Variants in BMERB1 observed in about 807,000 individuals in gnomAD.
The protein encoded by BMERB1 is bMERB domain-containing protein 1.
In BMERB1, 12 loss-of-function variants were observed where a neutral mutation model predicts 23.6. The ratio of observed to expected loss-of-function variants is 0.51; its 90% CI spans 0.33 to 0.82. BMERB1 has a LOEUF of 0.82. Among genes scored for constraint, BMERB1 ranks in the 40% least tolerant of loss-of-function variants. The probability of loss-of-function intolerance (pLI) is 0.03; values close to 1 mark genes in which losing one functional copy is unlikely to be tolerated. For missense variants in BMERB1, 247 were observed against 255.4 expected (o/e 0.97, Z 0.22); for synonymous variants, 122 against 96.6 (o/e 1.26, Z -1.54).
At chr16:15,494,219 GTTA>G (rs1245071185) in intron 1 of BMERB1, among the ~76,000 whole-genome samples, 2 of 152,134 alleles carry the variant, frequency 1.3e-5, no homozygotes, top group Non-Finnish European at 2.9e-5. Flanking sequence ...GGCAATTGTT[GTTA>G]TTATAGGTTT....
At chr16:15,553,648 A>G (rs1329653757) in intron 2 of BMERB1, among the ~76,000 whole-genome samples, 2 of 152,238 alleles carry the variant, frequency 1.3e-5, no homozygotes, top group African/African-American at 4.8e-5. Context: ...ATTTATCAGA[A>G]AATGTTATGA....
intron 1 of BMERB1, among the ~76,000 whole-genome samples, chr16:15,443,620 G>A (rs571155066): frequency 2.0e-5 from 3 of 151,748 alleles, no homozygotes; most frequent in Admixed American, 1.3e-4. Flanking sequence ...CATGCTAAAT[G>A]AAAAGTACAA....
At chr16:15,552,898 G>A (rs2030135918) in intron 2 of BMERB1, among the ~76,000 whole-genome samples, 1 of 152,120 alleles carries the variant, frequency 6.6e-6, no homozygotes, top group African/African-American at 2.4e-5. Flanking sequence ...TTAGAGCCAG[G>A]CACAGTGGCT....
intron 1 of BMERB1, among the ~76,000 whole-genome samples, chr16:15,454,525 G>T (rs2051067460): frequency 6.6e-6 from 1 of 152,202 alleles, no homozygotes; most frequent in Non-Finnish European, 1.5e-5. Context: ...GGTCATGGTG[G>T]CTCACGCCTG....
chr16:15,549,056 C>A (rs2030005086), intron 2 of BMERB1, among the ~76,000 whole-genome samples: 2 of 152,014 alleles, frequency 1.3e-5, no homozygotes, highest in Non-Finnish European at 2.9e-5. Context: ...GGAATGACTG[C>A]GGCCGGATGT....
Position 15,523,419 on chromosome 16 carries a change from GGGCACA to G in BMERB1, c.230+7995_230+8000del, listed in dbSNP as rs894493578. On this transcript the variant is annotated intron_variant, in intron 2 of 5. Coordinates refer to ENST00000300006, the MANE Select transcript of BMERB1 (RefSeq NM_033201.3). ...AATGCCTGTCCTCACCTAGGACTGT[GGGCACA>G]GGCGTGGGGGTGGAGCCCTTACCAG... Among the ~76,000 whole-genome samples, 10 of 152,262 alleles carry G rather than the reference GGGCACA, an allele frequency of 6.6e-5. No homozygotes were observed. In the East Asian group the frequency reaches 1.7e-3, roughly 26 times the overall value.
chr16:15,472,911 G>A (rs887315984), intron 1 of BMERB1, among the ~76,000 whole-genome samples: 13 of 145,722 alleles, frequency 8.9e-5, no homozygotes, highest in Admixed American at 8.5e-4. Flanking sequence ...AGGCTGGAGT[G>A]CAGTGGCATG....
chr16:15,448,840 T>A (rs1339163196), intron 1 of BMERB1, among the ~76,000 whole-genome samples: 1 of 152,098 alleles, frequency 6.6e-6, no homozygotes, highest in Admixed American at 6.6e-5. Context: ...GCCGTGAGAT[T>A]AGCATCCTCG....
intron 1 of BMERB1, among the ~76,000 whole-genome samples, chr16:15,513,070 CAG>C (rs930594670): frequency 3.3e-5 from 5 of 152,014 alleles, no homozygotes; most frequent in Non-Finnish European, 7.4e-5. Context: ...GATGGTGTCT[CAG>C]GGTACGCCAA....
At chr16:15,478,171 T>A (rs189476184) in intron 1 of BMERB1, among the ~76,000 whole-genome samples, 1 of 152,284 alleles carries the variant, frequency 6.6e-6, no homozygotes, top group East Asian at 1.9e-4. Context: ...GTTTTTAATT[T>A]TTTTTAGATG....
chr16:15,436,831 C>T (rs1040573225), intron 1 of BMERB1, among the ~76,000 whole-genome samples: 1 of 151,922 alleles, frequency 6.6e-6, no homozygotes, highest in Non-Finnish European at 1.5e-5. Flanking sequence ...ACTCTAAATG[C>T]ATCATTTCAT....
intron 3 of BMERB1, among the ~76,000 whole-genome samples, chr16:15,578,832 T>C (rs2030937893): frequency 6.6e-6 from 1 of 152,184 alleles, no homozygotes; most frequent in Non-Finnish European, 1.5e-5. Context: ...CATTTCTTAA[T>C]ACTATGACCA....
At chr16:15,506,437 G>T (rs2150945933) in intron 1 of BMERB1, among the ~76,000 whole-genome samples, 2 of 152,288 alleles carry the variant, frequency 1.3e-5, no homozygotes, top group South Asian at 4.1e-4. Context: ...CTCCCAAAGT[G>T]CTGGGATTAC....
At chr16:15,462,137 C>CGTTTTTTTTTTTTTTTTTTTT (rs2051140678) in intron 1 of BMERB1, among the ~76,000 whole-genome samples, 1 of 56,932 alleles carries the variant, frequency 1.8e-5, no homozygotes, top group African/African-American at 7.9e-5. Flanking sequence ...GATGTCCTGC[C>CGTTTTTTTTTTTTTTTTTTTT]TTTTTTTTTT....
chr16:15,536,312 C>T (rs1300452), intron 2 of BMERB1, among the ~76,000 whole-genome samples: 2 of 152,068 alleles, frequency 1.3e-5, no homozygotes, highest in African/African-American at 4.8e-5. Context: ...AGCCCCCCCG[C>T]CTCTGGATGC....
chr16:15,539,836 C>T (rs1039447473), intron 2 of BMERB1, among the ~76,000 whole-genome samples: 42 of 148,328 alleles, frequency 2.8e-4, no homozygotes, highest in Admixed American at 1.1e-3. Context: ...AGCAAGATTC[C>T]GTCTCAAAAA....
intron 1 of BMERB1, among the ~76,000 whole-genome samples, chr16:15,512,591 AAAG>A (rs1234722528): frequency 1.3e-5 from 2 of 152,090 alleles, no homozygotes; most frequent in East Asian, 1.9e-4. Flanking sequence ...CAAAAAGAAA[AAAG>A]AAGACCTGGT....
chr16:15,544,624 A>G (rs1446412110), intron 2 of BMERB1, among the ~76,000 whole-genome samples: 5 of 152,220 alleles, frequency 3.3e-5, no homozygotes, highest in Admixed American at 6.5e-5. Flanking sequence ...TCTCCTGTTG[A>G]ATGTAAACAA....
intron 2 of BMERB1, 118 bp from the exon 3 acceptor site, chr16:15,567,865 G>GTA: frequency 1.2e-6 from 1 of 837,960 alleles, no homozygotes; most frequent in South Asian, 1.7e-5. Context: ...CAATGAGCAT[G>GTA]TATGGCCTCT....
Sources: allele counts gnomAD v4.1 joint callset (sites outside exome capture counted in the v4.1 genomes callset), GRCh38; gene constraint gnomAD v4.1.1; transcripts MANE v1.5; gene names NCBI Gene and HGNC (gene_info 2026-07-23, HGNC 2026-07-21).